SDK1: variants seen among roughly 807,000 people sequenced by gnomAD.
The protein encoded by SDK1 is protein sidekick-1.
SDK1 carries 157 observed loss-of-function variants against 245.5 expected under a neutral mutation model. The ratio of observed to expected loss-of-function variants is 0.64; its 90% CI spans 0.56 to 0.73. The LOEUF (loss-of-function observed/expected upper bound fraction) is 0.73, where lower values mean the gene tolerates loss of function less well. Ranked by LOEUF, SDK1 falls within the 30% of genes least tolerant of loss-of-function variation. SDK1 has a pLI of 0.00. For missense variants in SDK1, 3,583 were observed against 3,002.3 expected (o/e 1.19, Z -4.52); for synonymous variants, 1,647 against 1,278.5 (o/e 1.29, Z -6.15).
intron 1 of SDK1, among the ~76,000 whole-genome samples, chr7:3,439,353 A>G (rs1036282036): frequency 6.6e-6 from 1 of 152,356 alleles, no homozygotes; most frequent in East Asian, 1.9e-4. Context: ...ATATATGAGT[A>G]GCATGCAAGC....
rs572640695 is a variant in SDK1 at position 3,351,429 on chromosome 7, T to C, written c.298+49545T>C. 1.3e-3 allele frequency among the ~76,000 whole-genome samples: 203 copies of C among 152,192 alleles called. 3 individuals carry two copies. Among genetic ancestry groups the C allele is most frequent in the African/African-American group, 4.7e-3 (197 of 41,518 alleles). On this transcript the variant is annotated intron_variant, in intron 1 of 44. Transcript: ENST00000404826. The stretch of plus-strand genomic sequence containing the variant: ...GGCAGGAAAAACAGAAAGCACACAA[T>C]AACATGATAGCTATAAATTCAAGTG...
intron 1 of SDK1, among the ~76,000 whole-genome samples, chr7:3,609,305 G>A (rs952851598): frequency 6.6e-6 from 1 of 152,142 alleles, no homozygotes; most frequent in Non-Finnish European, 1.5e-5. Context: ...TGAAGAAGTT[G>A]GTGCTATTGC....
chr7:3,412,675 G>C (rs1433549744), intron 1 of SDK1, among the ~76,000 whole-genome samples: 1 of 152,178 alleles, frequency 6.6e-6, no homozygotes, highest in East Asian at 1.9e-4. Context: ...TTACGATTTT[G>C]AAAGATGTAG....
chr7:3,457,114 G>A (rs1327292114), intron 1 of SDK1, among the ~76,000 whole-genome samples: 1 of 152,122 alleles, frequency 6.6e-6, no homozygotes, highest in Non-Finnish European at 1.5e-5. Context: ...TCTGTTGTCC[G>A]CTTTTCTGGT....
chr7:3,898,853 T>C (rs1217297953), intron 5 of SDK1, among the ~76,000 whole-genome samples: 1 of 152,242 alleles, frequency 6.6e-6, no homozygotes, highest in African/African-American at 2.4e-5. Flanking sequence ...TTTACTAGGC[T>C]AAATTCATCT....
chr7:3,529,547 G>A (rs1437783932), intron 1 of SDK1, among the ~76,000 whole-genome samples: 1 of 151,838 alleles, frequency 6.6e-6, no homozygotes, highest in African/African-American at 2.4e-5. Context: ...GAGAAGCAAA[G>A]TTTGTTGTTG....
intron 14 of SDK1, among the ~76,000 whole-genome samples, chr7:3,998,345 A>C (rs1365123620): frequency 2.6e-5 from 4 of 152,276 alleles, no homozygotes. Context: ...GCTGTCATCA[A>C]AAGGAACATG....
intron 1 of SDK1, among the ~76,000 whole-genome samples, chr7:3,354,511 G>T (rs1482713597): frequency 4.6e-5 from 7 of 152,172 alleles, no homozygotes; most frequent in Admixed American, 2.6e-4. Flanking sequence ...AAAAGTTAAA[G>T]TTAACAGTCT....
chr7:4,203,245 A>C (rs1326147168), intron 35 of SDK1, among the ~76,000 whole-genome samples: 1 of 152,188 alleles, frequency 6.6e-6, no homozygotes, highest in Non-Finnish European at 1.5e-5. Context: ...GATGGCTGTC[A>C]GGTGAGGGTC....
intron 1 of SDK1, among the ~76,000 whole-genome samples, chr7:3,571,112 A>G (rs1259431969): frequency 6.6e-6 from 1 of 152,040 alleles, no homozygotes; most frequent in Non-Finnish European, 1.5e-5. Flanking sequence ...TATGTTAACC[A>G]AGTCTGCGTT....
At chr7:3,477,516 CTTTTTTT>C (rs575753517) in intron 1 of SDK1, among the ~76,000 whole-genome samples, 3 of 134,510 alleles carry the variant, frequency 2.2e-5, no homozygotes, top group African/African-American at 2.7e-5. Flanking sequence ...TTTCTTTTTT[CTTTTTTT>C]TTTTTTAAGA....
rs148407025 is a variant in SDK1 at position 3,680,595 on chromosome 7, C to T, written c.713+38490C>T. 4.4e-3 allele frequency among the ~76,000 whole-genome samples: 665 copies of T among 152,118 alleles called. 9 individuals carry two copies. The highest frequency in any genetic ancestry group is 0.015 in the African/African-American group (642 of 41,482). ...GAAATTAGATGAAGAGTACATAAGA[C>T]CTTTCTGTACAATTTTGGTATCTTC... is the stretch of plus-strand genomic sequence containing the variant. On this transcript the variant is annotated intron_variant, in intron 4 of 44. Coordinates refer to ENST00000404826, the MANE Select transcript of SDK1 (RefSeq NM_152744.4).
chr7:4,244,734 C>G (rs1349031872), intron 43 of SDK1, among the ~76,000 whole-genome samples: 1 of 151,786 alleles, frequency 6.6e-6, no homozygotes, highest in Non-Finnish European at 1.5e-5. Flanking sequence ...GTGTTCTCAT[C>G]TGGAGGCTCA....
chr7:3,880,543 CTTTTTTTTTTTTTTT>C (rs5882008), intron 5 of SDK1, among the ~76,000 whole-genome samples: 1 of 92,006 alleles, frequency 1.1e-5, no homozygotes, highest in Admixed American at 1.4e-4. Flanking sequence ...ATGCCCTGGT[CTTTTTTTTTTTTTTT>C]TTTTTTTTTT....
intron 1 of SDK1, among the ~76,000 whole-genome samples, chr7:3,402,782 A>G (rs1352603141): frequency 6.6e-6 from 1 of 152,248 alleles, no homozygotes; most frequent in East Asian, 1.9e-4. Flanking sequence ...ATTAGTTAAT[A>G]TAAACTTTAT....
At chr7:3,919,658 A>G (rs1240084843) in intron 5 of SDK1, among the ~76,000 whole-genome samples, 1 of 152,168 alleles carries the variant, frequency 6.6e-6, no homozygotes, top group East Asian at 1.9e-4. Context: ...GCGCTTAAAG[A>G]TTCTGCTTTA....
chr7:3,398,538 A>G (rs1454169843), intron 1 of SDK1, among the ~76,000 whole-genome samples: 1 of 152,034 alleles, frequency 6.6e-6, no homozygotes, highest in Non-Finnish European at 1.5e-5. Flanking sequence ...GGCCTTTATT[A>G]TATAGAACAG....
chr7:3,439,913 C>T (rs187510770), intron 1 of SDK1, among the ~76,000 whole-genome samples: 1 of 140,346 alleles, frequency 7.1e-6, no homozygotes, highest in Non-Finnish European at 1.6e-5. Context: ...TACATTAACT[C>T]CCAAACTACC....
At chr7:4,203,148 G>A (rs565475925) in intron 35 of SDK1, among the ~76,000 whole-genome samples, 5 of 152,324 alleles carry the variant, frequency 3.3e-5, no homozygotes, top group South Asian at 4.1e-4. Context: ...GCCATAACCC[G>A]GCTCAGGCCC....
Sources: gnomAD v4.1 joint callset for allele counts (sites outside exome capture counted in the v4.1 genomes callset) on GRCh38, gnomAD v4.1.1 for gene constraint, MANE v1.5 for transcripts, NCBI Gene and HGNC (gene_info 2026-07-23, HGNC 2026-07-21) for gene names.